Variants in FAM193A observed in about 807,000 individuals in gnomAD.
The protein encoded by FAM193A is family with sequence similarity 193 member A.
FAM193A carries 22 observed loss-of-function variants against 126.5 expected under a neutral mutation model. The ratio of observed to expected loss-of-function variants is 0.17; its 90% CI spans 0.12 to 0.25. The LOEUF (loss-of-function observed/expected upper bound fraction) is 0.25, where lower values mean the gene tolerates loss of function less well. FAM193A is among the 10% of genes least tolerant of loss of function. FAM193A has a pLI of 1.00. For missense variants in FAM193A, 1,675 were observed against 1,672.8 expected, an observed-to-expected ratio of 1.00 and a Z score of -0.02; for synonymous variants, 761 against 646.8, an observed-to-expected ratio of 1.18 and a Z score of -2.68.
rs2109085335 is a variant in FAM193A, at chr4:2,654,929, A to G, written c.1312-2874A>G. The G allele has an allele frequency of 6.3e-6, 3 of 477,140 alleles. No homozygotes were observed. The East Asian group carries it at 9.2e-5, about 15-fold the overall frequency. The allele number at this position is 477,140 out of a possible 1,614,324, so 29.6% of individuals were successfully genotyped here. On this transcript the variant is annotated intron_variant, in intron 7 of 20. Transcript: ENST00000637812. The stretch of plus-strand genomic sequence containing the variant: ...ACCAGTCATCTCGCCAGATGCCGGC[A>G]TTAACTCTTGTAGTTTTTGAGTTGA...
chr4:2,580,311 A>C (rs570936696), intron 1 of FAM193A, among the ~76,000 whole-genome samples: 4 of 152,264 alleles, frequency 2.6e-5, no homozygotes, highest in African/African-American at 7.2e-5. Flanking sequence ...GGAACAACAT[A>C]CACTGTGGCC....
chr4:2,627,456 A>G (rs1372935514), intron 4 of FAM193A, among the ~76,000 whole-genome samples: 2 of 74,378 alleles, frequency 2.7e-5, no homozygotes, highest in Non-Finnish European at 7.4e-5. Context: ...GCAACATAAC[A>G]TATTTTTATG....
chr4:2,629,028 A>G (rs1005344894), intron 4 of FAM193A, among the ~76,000 whole-genome samples: 1 of 151,776 alleles, frequency 6.6e-6, no homozygotes, highest in Non-Finnish European at 1.5e-5. Flanking sequence ...AATTTTTTGT[A>G]TTTTTAGTAG....
At chr4:2,674,310 G>C (rs2109174378) in intron 13 of FAM193A, among the ~76,000 whole-genome samples, 1 of 152,328 alleles carries the variant, frequency 6.6e-6, no homozygotes, top group South Asian at 2.1e-4. Flanking sequence ...CCACATCTGT[G>C]CCTAAATGCA....
intron 5 of FAM193A, among the ~76,000 whole-genome samples, chr4:2,637,820 C>T (rs1171042374): frequency 6.6e-6 from 1 of 152,184 alleles, no homozygotes; most frequent in East Asian, 1.9e-4. Flanking sequence ...TTGAATTCAG[C>T]GCTAAGGACA....
At chr4:2,712,104 G>A (rs1221676359) in intron 19 of FAM193A, among the ~76,000 whole-genome samples, 1 of 152,012 alleles carries the variant, frequency 6.6e-6, no homozygotes. Context: ...TACTTTCTGA[G>A]GCCCAGTGTA....
chr4:2,636,653 A>G (rs1577111350), intron 5 of FAM193A, among the ~76,000 whole-genome samples: 1 of 152,204 alleles, frequency 6.6e-6, no homozygotes, highest in Non-Finnish European at 1.5e-5. Flanking sequence ...ATATTTGTTT[A>G]TATCAGCACT....
At chr4:2,650,019 A>C (rs999733161) in intron 7 of FAM193A, among the ~76,000 whole-genome samples, 2 of 152,188 alleles carry the variant, frequency 1.3e-5, no homozygotes, top group Admixed American at 6.5e-5. Context: ...TGAGAATCTA[A>C]TGCCTGATGA....
intron 1 of FAM193A, among the ~76,000 whole-genome samples, chr4:2,538,794 G>A (rs866440310): frequency 2.6e-5 from 4 of 152,120 alleles, no homozygotes; most frequent in African/African-American, 9.7e-5. Flanking sequence ...CCAGTTGGTG[G>A]CACAATAAAA....
chr4:2,566,377 C>T (rs968983549), intron 1 of FAM193A, among the ~76,000 whole-genome samples: 21 of 151,934 alleles, frequency 1.4e-4, no homozygotes, highest in African/African-American at 4.6e-4. Flanking sequence ...TAGAAGGTTG[C>T]TGTGATGAGC....
chr4:2,556,622 C>T (rs187603568), intron 1 of FAM193A, among the ~76,000 whole-genome samples: 62 of 152,270 alleles, frequency 4.1e-4, no homozygotes, highest in Middle Eastern at 6.8e-3. Context: ...GTCGAGACTG[C>T]AGTGAGCTGT....
At chr4:2,594,216 T>G (rs1018607520) in intron 1 of FAM193A, among the ~76,000 whole-genome samples, 5 of 152,210 alleles carry the variant, frequency 3.3e-5, no homozygotes, top group African/African-American at 1.2e-4. Context: ...CAGCCCCTTG[T>G]TTAAATATGT....
chr4:2,624,742 G>C (rs562762882), intron 2 of FAM193A, among the ~76,000 whole-genome samples: 1 of 152,206 alleles, frequency 6.6e-6, no homozygotes, highest in Non-Finnish European at 1.5e-5. Flanking sequence ...AGGTCTTGCT[G>C]TGTTACCCAG....
At chr4:2,553,329 G>T (rs1222029101) in intron 1 of FAM193A, among the ~76,000 whole-genome samples, 2 of 151,462 alleles carry the variant, frequency 1.3e-5, no homozygotes, top group African/African-American at 4.8e-5. Context: ...GGTCCACATA[G>T]CAAGATCCCG....
Position 2,591,078 on chromosome 4 carries a change from C to T in FAM193A, c.256-5006C>T, listed in dbSNP as rs905930712. ...GTACAGGAGTTGTAGTAATTAGCTG[C>T]GTGTGACACGTATTGATTGAGGGGT... On this transcript the variant is annotated intron_variant, in intron 1 of 20. Transcript: ENST00000637812. Among the ~76,000 whole-genome samples the T allele has an allele frequency of 1.2e-4, 18 of 151,116 alleles. 1 individual carries two copies. The highest frequency in any genetic ancestry group is 2.4e-4 in the Non-Finnish European group (16 of 67,880).
chr4:2,681,287 T>A (rs1432871481), intron 13 of FAM193A, among the ~76,000 whole-genome samples: 1 of 152,162 alleles, frequency 6.6e-6, no homozygotes, highest in East Asian at 1.9e-4. Context: ...AAGAACTATA[T>A]TTTGGTTTCA....
intron 6 of FAM193A, among the ~76,000 whole-genome samples, chr4:2,644,490 T>A (rs17164062): frequency 0.18 from 27,599 of 152,112 alleles, 4,572 homozygotes; most frequent in African/African-American, 0.45. Context: ...GTGTGGCAGA[T>A]CCCTGGCGCC....
intron 1 of FAM193A, among the ~76,000 whole-genome samples, chr4:2,574,731 C>T (rs1471785753): frequency 6.6e-6 from 1 of 152,116 alleles, no homozygotes; most frequent in African/African-American, 2.4e-5. Context: ...TAAATAAATA[C>T]TTACATGCAT....
rs386399069 is a variant in FAM193A at position 2,594,820 on chromosome 4, C to CTTTTTTTTTTTTTTTTT, written c.256-1254_256-1238dup. ...GTTTCTTTCTTTTTCTTTTCTTTTC[C>CTTTTTTTTTTTTTTTTT]TTTTTTTTTTTTTTTTTTTTTTTTT... On this transcript the variant is annotated intron_variant, in intron 1 of 20. Coordinates refer to ENST00000637812, the MANE Select transcript of FAM193A (RefSeq NM_001366318.2). Among the ~76,000 whole-genome samples the CTTTTTTTTTTTTTTTTT allele has an allele frequency of 1.3e-4, 8 of 62,210 alleles. 1 individual carries two copies. Among genetic ancestry groups the CTTTTTTTTTTTTTTTTT allele is most frequent in the African/African-American group, 3.9e-4 (5 of 12,684 alleles). The allele number at this position is 62,210 out of a possible 152,430, so 40.8% of individuals were successfully genotyped here.
Sources: gnomAD v4.1 joint callset for allele counts (sites outside exome capture counted in the v4.1 genomes callset) on GRCh38, gnomAD v4.1.1 for gene constraint, MANE v1.5 for transcripts, NCBI Gene and HGNC (gene_info 2026-07-23, HGNC 2026-07-21) for gene names.